Variants in COP1 observed in about 807,000 individuals in gnomAD.
COP1 encodes E3 ubiquitin-protein ligase COP1.
A neutral mutation model predicts 101.3 loss-of-function variants in COP1; 24 were observed. The observed-to-expected ratio is 0.24, with a 90% CI of 0.17 to 0.33. The LOEUF (loss-of-function observed/expected upper bound fraction) is 0.33. Among genes scored for constraint, COP1 ranks in the 10% least tolerant of loss-of-function variants. The pLI is 1.00. For synonymous variants in COP1, 347 were observed against 341.9 expected (o/e 1.01, Z -0.17); for missense variants, 663 against 906.2 (o/e 0.73, Z 3.45).
At chr1:176,009,338 T>C (rs1300169611) in intron 15 of COP1, among the ~76,000 whole-genome samples, 1 of 152,222 alleles carries the variant, frequency 6.6e-6, no homozygotes, top group Non-Finnish European at 1.5e-5. Context: ...AAAAACATTT[T>C]AATACATAAT....
At chr1:176,118,618 T>C (rs1481249065) in intron 8 of COP1, among the ~76,000 whole-genome samples, 3 of 152,096 alleles carry the variant, frequency 2.0e-5, no homozygotes, top group Non-Finnish European at 4.4e-5. Flanking sequence ...TAGCTGTGTG[T>C]GGTGGTGGAC....
At chr1:176,156,244 G>A (rs1230148210) in intron 5 of COP1, among the ~76,000 whole-genome samples, 1 of 151,994 alleles carries the variant, frequency 6.6e-6, no homozygotes, top group East Asian at 1.9e-4. Context: ...AAACTGTGTG[G>A]GAGAAAAGGC....
intron 1 of COP1, among the ~76,000 whole-genome samples, chr1:176,198,813 A>G (rs1699979031): frequency 6.6e-6 from 1 of 152,180 alleles, no homozygotes; most frequent in Non-Finnish European, 1.5e-5. Context: ...CAAAACAGAC[A>G]TTTCACAAAA....
At chr1:176,012,481 T>TA (rs1210073793) in intron 15 of COP1, among the ~76,000 whole-genome samples, 4 of 152,044 alleles carry the variant, frequency 2.6e-5, no homozygotes, top group African/African-American at 7.2e-5. Flanking sequence ...GTTAATGAAG[T>TA]AAAAAAATTA....
intron 15 of COP1, among the ~76,000 whole-genome samples, chr1:176,001,111 C>A (rs1661494373): frequency 6.6e-6 from 1 of 151,968 alleles, no homozygotes; most frequent in Non-Finnish European, 1.5e-5. Flanking sequence ...AGCTCACTAC[C>A]AAAGCGCATT....
chr1:175,950,090 TAA>T (rs1481662043), intron 18 of COP1, among the ~76,000 whole-genome samples: 1 of 152,114 alleles, frequency 6.6e-6, no homozygotes, highest in Non-Finnish European at 1.5e-5. Flanking sequence ...CCAACATGAA[TAA>T]ACACTGTCTT....
At chr1:176,173,204 G>A (rs1308878446) in intron 3 of COP1, among the ~76,000 whole-genome samples, 1 of 151,776 alleles carries the variant, frequency 6.6e-6, no homozygotes, top group Non-Finnish European at 1.5e-5. Context: ...CCAGCTACTA[G>A]GGAGGCTGAG....
At chr1:176,092,682 A>G (rs904382731) in intron 9 of COP1, among the ~76,000 whole-genome samples, 7 of 152,222 alleles carry the variant, frequency 4.6e-5, no homozygotes, top group Non-Finnish European at 8.8e-5. Context: ...GGTGACAATC[A>G]TTTTAAAGTC....
intron 3 of COP1, among the ~76,000 whole-genome samples, chr1:176,167,164 AT>A: frequency 6.6e-6 from 1 of 152,228 alleles, no homozygotes; most frequent in Non-Finnish European, 1.5e-5. Context: ...TATGAAAGTC[AT>A]TAGAGTCACA....
intron 18 of COP1, among the ~76,000 whole-genome samples, chr1:175,955,051 C>T (rs60116584): frequency 2.0e-5 from 3 of 152,068 alleles, no homozygotes; most frequent in East Asian, 3.9e-4. Context: ...AGTGTGAGAC[C>T]AGCCTGGGCA....
intron 6 of COP1, among the ~76,000 whole-genome samples, chr1:176,146,558 G>A (rs769339061): frequency 2.0e-4 from 31 of 152,186 alleles, no homozygotes; most frequent in Non-Finnish European, 3.7e-4. Context: ...GCTATCCTAT[G>A]GAGAAGCCCC....
intron 6 of COP1, among the ~76,000 whole-genome samples, chr1:176,142,183 C>T (rs1690800183): frequency 6.6e-6 from 1 of 151,990 alleles, no homozygotes; most frequent in South Asian, 2.1e-4. Context: ...GTTACAAATA[C>T]ATGATGTAAC....
chr1:176,079,395 G>T (rs926553167), intron 11 of COP1, among the ~76,000 whole-genome samples: 3 of 152,120 alleles, frequency 2.0e-5, no homozygotes, highest in Non-Finnish European at 2.9e-5. Flanking sequence ...ACCAAATAAT[G>T]TATATTCTCA....
intron 6 of COP1, among the ~76,000 whole-genome samples, chr1:176,148,204 A>C (rs1691874700): frequency 6.6e-6 from 1 of 152,146 alleles, no homozygotes; most frequent in Non-Finnish European, 1.5e-5. Flanking sequence ...AAACCACATA[A>C]AAAATATTTA....
chr1:176,205,456 T>C (rs1337074695), intron 1 of COP1, among the ~76,000 whole-genome samples: 1 of 152,226 alleles, frequency 6.6e-6, no homozygotes, highest in Non-Finnish European at 1.5e-5. Context: ...AGCTCTATCT[T>C]ATTTAATAAC....
chr1:176,067,541 G>A (rs532374038), intron 11 of COP1, among the ~76,000 whole-genome samples: 1 of 152,242 alleles, frequency 6.6e-6, no homozygotes, highest in East Asian at 1.9e-4. Context: ...ACGGTTGGAA[G>A]AGAGCCTGGC....
chr1:176,159,219 GAC>G (rs1323290829), intron 5 of COP1, among the ~76,000 whole-genome samples: 1 of 152,076 alleles, frequency 6.6e-6, no homozygotes, highest in Non-Finnish European at 1.5e-5. Context: ...TAAGAGAAAA[GAC>G]AAATGATCCA....
chr1:176,040,942 T>C (rs1670412698), intron 14 of COP1, among the ~76,000 whole-genome samples: 2 of 152,114 alleles, frequency 1.3e-5, no homozygotes, highest in African/African-American at 4.8e-5. Flanking sequence ...CATAGCTTTA[T>C]ACACTTAATG....
intron 2 of COP1, among the ~76,000 whole-genome samples, chr1:176,181,474 G>A (rs1253598685): frequency 6.6e-6 from 1 of 151,362 alleles, no homozygotes; most frequent in East Asian, 1.9e-4. Flanking sequence ...GGAATTGACA[G>A]CCTCCAGTTT....
Sources: gnomAD v4.1 joint callset for allele counts (sites outside exome capture counted in the v4.1 genomes callset) on GRCh38, gnomAD v4.1.1 for gene constraint, MANE v1.5 for transcripts, NCBI Gene and HGNC (gene_info 2026-07-23, HGNC 2026-07-21) for gene names.